Variants in IGSF9B observed in about 807,000 individuals in gnomAD.
The protein encoded by IGSF9B is immunoglobulin superfamily member 9B.
IGSF9B carries 48 observed loss-of-function variants against 143.7 expected under a neutral mutation model. That is an observed-to-expected ratio of 0.33 (90% CI 0.26 to 0.42). The LOEUF is 0.42. Ranked by LOEUF, IGSF9B falls within the 20% of genes least tolerant of loss-of-function variation. IGSF9B has a pLI of 1.00. For missense variants in IGSF9B, 1,706 were observed against 1,980.0 expected (o/e 0.86, Z 2.63); for synonymous variants, 903 against 833.1 (o/e 1.08, Z -1.44).
At position 133,925,807 on chromosome 11, in the gene IGSF9B, G is replaced by C. The variant is rs771177519; in HGVS notation, c.1966C>G (p.Arg656Gly). ...RYIMEFRVAE[R>G]WELLDDGIPG... ...ATGCCATCGTCGAGCAACTCCCAGCGCTCTGCGACACGGAACTCCATGATG... is the reference window on the plus strand; with the variant it reads ...ATGCCATCGTCGAGCAACTCCCAGCCCTCTGCGACACGGAACTCCATGATG... The change falls in exon 14 of 20, where the codon CGC becomes GGC. Residue 656 changes from arginine to glycine, a missense_variant. Physicochemically the swap from Arg to Gly is moderately radical, Grantham distance 125. Coordinates refer to ENST00000533871, the MANE Select transcript of IGSF9B (RefSeq NM_001277285.4). 1 of 1,613,912 alleles carries C rather than the reference G, an allele frequency of 6.2e-7. No individual in the cohort carries two copies. Among genetic ancestry groups the C allele is most frequent in the South Asian group, 1.1e-5 (1 of 91,054 alleles).
In IGSF9B at chr11:133,935,776, T is replaced by C. The variant is rs904348316; in HGVS notation, c.822-14A>G. 9 of 1,609,790 alleles carry C rather than the reference T, an allele frequency of 5.6e-6. No homozygotes were observed. The highest frequency in any genetic ancestry group is 2.2e-5 in the South Asian group (2 of 90,616). On this transcript the variant is annotated splice_polypyrimidine_tract_variant and intron_variant, in intron 6 of 19. Coordinates refer to ENST00000533871, the MANE Select transcript of IGSF9B (RefSeq NM_001277285.4). ...AGCTTCAGGTCGCTGCAAAGCGGCA[T>C]GGGGACAGGGGGTTGGGCGAGCAGA... is the stretch of plus-strand genomic sequence containing the variant.
chr11:133,939,299 C>T (rs200959248), intron 3 of IGSF9B, among the ~76,000 whole-genome samples: 5 of 116,160 alleles, frequency 4.3e-5, no homozygotes, highest in African/African-American at 1.3e-4. Flanking sequence ...TCAGATGGCA[C>T]TTCCAGCATT....
At chr11:133,912,143 G>A in intron 18 of IGSF9B, 136 bp from the exon 19 acceptor site, 1 of 1,016,080 alleles carries the variant, frequency 9.8e-7, no homozygotes, top group Non-Finnish European at 1.4e-6. Flanking sequence ...TGCCCACGAT[G>A]GCTCCATGAC....
chr11:133,906,692 C>T lies in IGSF9B; in HGVS notation c.*2377G>A, dbSNP rs751778245. ...CTCATCATCTCCTCTTCTTTTCTAA[C>T]CTGAGGGCTGGAATTCCCAGGAGGG... On this transcript the variant is annotated 3_prime_UTR_variant, in exon 20 of 20. Coordinates refer to ENST00000533871, the MANE Select transcript of IGSF9B (RefSeq NM_001277285.4). Among the ~76,000 whole-genome samples the T allele has an allele frequency of 3.7e-4, 57 of 152,296 alleles. No individual in the cohort carries two copies. The highest frequency in any genetic ancestry group is 6.0e-4 in the Non-Finnish European group (41 of 68,028).
At chr11:133,919,172 C>A in intron 18 of IGSF9B, 2 of 406,632 alleles carry the variant, frequency 4.9e-6, no homozygotes, top group Non-Finnish European at 9.9e-6. Context: ...TGACCCTTTT[C>A]TCTGGGCCTC....
At chr11:133,934,709 C>G (rs1195293008) in intron 7 of IGSF9B, among the ~76,000 whole-genome samples, 1 of 152,164 alleles carries the variant, frequency 6.6e-6, no homozygotes, top group Non-Finnish European at 1.5e-5. Context: ...GCAGTCGGAC[C>G]AGCTCCACCT....
At chr11:133,922,799 TC>T in intron 15 of IGSF9B, 69 bp from the exon 16 acceptor site, 1 of 1,405,314 alleles carries the variant, frequency 7.1e-7, no homozygotes. Context: ...CGACCTTCAG[TC>T]CCCAAGTGTT....
chr11:133,945,736 G>A lies in IGSF9B; in HGVS notation c.262+325C>T, dbSNP rs933077975. ...TGGGTGCGGCCAAGCAGGGAGAGCC[G>A]TGCTGGCCCAGGGCTGCCTGACTCA... On this transcript the variant is annotated intron_variant, in intron 2 of 19. Coordinates refer to ENST00000533871, the MANE Select transcript of IGSF9B (RefSeq NM_001277285.4). The surrounding 1 kb of genome is among the most constrained non-coding windows in gnomAD (Gnocchi z 4.6). 1.3e-5 allele frequency among the ~76,000 whole-genome samples: 2 copies of A among 152,102 alleles called. No homozygotes were observed. Among genetic ancestry groups the A allele is most frequent in the East Asian group, 1.9e-4 (1 of 5,162 alleles).
chr11:133,927,197 G>A lies in IGSF9B; in HGVS notation c.1632-106C>T, dbSNP rs1051692607. The A allele has an allele frequency of 3.9e-5, 34 of 882,992 alleles. No individual in the cohort carries two copies. In the Middle Eastern group the frequency reaches 1.0e-3, roughly 27 times the overall value. 54.7% of individuals were successfully genotyped at this position (882,992 alleles called of 1,614,324 possible). ...TCAGGGAGAAGGCACTGGTGGGCCT[G>A]GCGTTCCTAGGTTCAAGGGCAAGAA... On this transcript the variant is annotated intron_variant, in intron 12 of 19. Transcript: ENST00000533871.
rs1460729525 is a variant in IGSF9B, at chr11:133,925,866, G to A, written c.1907C>T (p.Pro636Leu). Reference protein sequence around the residue: ...TQQGVLLSWLPPANHSFPIDR... With the variant: ...TQQGVLLSWLLPANHSFPIDR... Reference sequence around the variant, plus strand: ...GATGGGAAAGCTGTGGTTGGCAGGCGGAAGCCAGGACAGGAGCACACCCTG... The same window carrying A: ...GATGGGAAAGCTGTGGTTGGCAGGCAGAAGCCAGGACAGGAGCACACCCTG... Residue 636 changes from proline (P) to leucine (L), a missense_variant, in exon 14 of 20, where the codon CCG becomes CTG. Physicochemically the swap from Pro to Leu is moderately conservative, Grantham distance 98. Coordinates refer to ENST00000533871, the MANE Select transcript of IGSF9B (RefSeq NM_001277285.4). 11 of 1,613,458 alleles carry A rather than the reference G, an allele frequency of 6.8e-6. No individual in the cohort carries two copies. The highest frequency in any genetic ancestry group is 2.7e-5 in the African/African-American group (2 of 75,066).
chr11:133,905,427 A>G lies in IGSF9B; in HGVS notation c.*3642T>C, dbSNP rs975990750. The stretch of plus-strand genomic sequence containing the variant: ...CTTGTCCCCCACCCCAAATAAAATC[A>G]GAAAATTTCACATTTGAACCTTACC... On this transcript the variant is annotated 3_prime_UTR_variant, in exon 20 of 20. Transcript: ENST00000533871. This position sits in a 1 kb window ranked among gnomAD's most constrained non-coding sequence, Gnocchi z 4.0. Among the ~76,000 whole-genome samples the G allele has an allele frequency of 4.6e-5, 7 of 152,216 alleles. No homozygotes were observed. Among genetic ancestry groups the G allele is most frequent in the Non-Finnish European group, 1.0e-4 (7 of 68,048 alleles).
In IGSF9B at chr11:133,920,865, G is replaced by A. The variant is rs573512453; in HGVS notation, c.2860C>T (p.Arg954Trp). 76 of 1,602,022 alleles carry A rather than the reference G, an allele frequency of 4.7e-5. No homozygotes were observed. In the South Asian group the frequency reaches 5.1e-4, roughly 11 times the overall value. ...TGGAAGGGCCGGGGGGCAGGGGGCC[G>A]GGCCTGGCCTGTGGCCTGAAGCCGA... ...EGRLQATGQA[R>W]PPAPRPFHHG... is the part of the protein sequence containing the mutation. Residue 954 changes from arginine to tryptophan, a missense_variant, in exon 18 of 20, where the codon CGG becomes TGG. Coordinates refer to ENST00000533871, the MANE Select transcript of IGSF9B (RefSeq NM_001277285.4).
intron 18 of IGSF9B, among the ~76,000 whole-genome samples, chr11:133,914,862 C>T (rs1049055504): frequency 2.6e-5 from 4 of 152,186 alleles, no homozygotes; most frequent in African/African-American, 9.7e-5. Context: ...ATCGAATTGC[C>T]TCCCTGTTTT....
In IGSF9B at chr11:133,948,065, G is replaced by GTC; in HGVS notation, c.65-1808_65-1807insGA. On this transcript the variant is annotated intron_variant, in intron 1 of 19. Coordinates refer to ENST00000533871, the MANE Select transcript of IGSF9B (RefSeq NM_001277285.4). The surrounding 1 kb of genome is among the most constrained non-coding windows in gnomAD (Gnocchi z 4.7). ...TCTACCAGCATGTGTGCGTGTGTGT[G>GTC]TGTGTGTGTGTGTGTGTGTGTGTGT... 1.9e-5 allele frequency among the ~76,000 whole-genome samples: 1 copy of GTC among 51,692 alleles called. No homozygotes were observed. The highest frequency in any genetic ancestry group is 6.6e-4 in the South Asian group (1 of 1,508). 33.9% of individuals were successfully genotyped at this position (51,692 alleles called of 152,430 possible).
Position 133,908,385 on chromosome 11 carries a change from G to T in IGSF9B, c.*684C>A, listed in dbSNP as rs1247907678. On this transcript the variant is annotated 3_prime_UTR_variant, in exon 20 of 20. Transcript: ENST00000533871. ...AAGGCCCCATTTCTGCTCTGGGTGG[G>T]AGAAGGTAGGAGACACACGGAGAAT... 4.6e-5 allele frequency among the ~76,000 whole-genome samples: 7 copies of T among 152,090 alleles called. No homozygotes were observed. The highest frequency in any genetic ancestry group is 3.9e-4 in the Admixed American group (6 of 15,272).
In IGSF9B at chr11:133,921,007, G is replaced by C; in HGVS notation, c.2718C>G (p.Ala906=). 1 of 1,611,896 alleles carries C rather than the reference G, an allele frequency of 6.2e-7. No homozygotes were observed. The highest frequency in any genetic ancestry group is 8.5e-7 in the Non-Finnish European group (1 of 1,178,490). ...GAGGGGTGAGCTGGGACTTCAGGGC[G>C]GCCACAGATGTGGGCACCAGTGGGT... ...NEDPLVPTSV[A]ALKSQLTPLS... is the part of the protein sequence containing the mutation. Residue 906 remains alanine, a synonymous_variant, in exon 18 of 20, where the codon GCC becomes GCG. Coordinates refer to ENST00000533871, the MANE Select transcript of IGSF9B (RefSeq NM_001277285.4).
chr11:133,939,271 T>G (rs1939878720), intron 3 of IGSF9B, among the ~76,000 whole-genome samples: 1 of 151,776 alleles, frequency 6.6e-6, no homozygotes. Context: ...CTGCCTTACC[T>G]GGGCAGCCCA....
rs1940207894 is a variant in IGSF9B at position 133,953,939 on chromosome 11, AAGG to A, written c.64+2749_64+2751del. On this transcript the variant is annotated intron_variant, in intron 1 of 19. Transcript: ENST00000533871. The surrounding 1 kb of genome is among the most constrained non-coding windows in gnomAD (Gnocchi z 4.2). Reference sequence around the variant, plus strand: ...CCCAGGCACACACACTCAAAGTCAAAAGGAGGAGCCCATTCCAACCTCTGTCCC... The same window carrying A: ...CCCAGGCACACACACTCAAAGTCAAAAGGAGCCCATTCCAACCTCTGTCCC... Among the ~76,000 whole-genome samples the A allele has an allele frequency of 6.6e-6, 1 of 152,094 alleles. No individual in the cohort carries two copies. Among genetic ancestry groups the A allele is most frequent in the African/African-American group, 2.4e-5 (1 of 41,406 alleles).
intron 17 of IGSF9B, among the ~76,000 whole-genome samples, chr11:133,921,843 A>G (rs918137716): frequency 6.6e-6 from 1 of 152,096 alleles, no homozygotes; most frequent in Non-Finnish European, 1.5e-5. Context: ...ATATCAACTT[A>G]AGCAACACAT....
Sources: allele counts gnomAD v4.1 joint callset (sites outside exome capture counted in the v4.1 genomes callset), GRCh38; gene constraint gnomAD v4.1.1; non-coding constraint Gnocchi (gnomAD v3.1); transcripts MANE v1.5; gene names NCBI Gene and HGNC (gene_info 2026-07-23, HGNC 2026-07-21).